EPHA6: variants seen among roughly 807,000 people sequenced by gnomAD.
EPHA6 encodes the protein EPH receptor A6.
In EPHA6, 50 loss-of-function variants were observed where a neutral mutation model predicts 112.0. The observed-to-expected ratio is 0.45, with a 90% CI of 0.36 to 0.56. EPHA6 has a LOEUF of 0.56. EPHA6 is among the 20% of genes least tolerant of loss of function. The pLI is 0.00. For missense variants in EPHA6, 1,280 were observed against 1,417.4 expected, an observed-to-expected ratio of 0.90 and a Z score of 1.56; for synonymous variants, 529 against 490.7, an observed-to-expected ratio of 1.08 and a Z score of -1.03.
At chr3:97,337,934 G>A (rs2083135606) in intron 5 of EPHA6, among the ~76,000 whole-genome samples, 1 of 152,148 alleles carries the variant, frequency 6.6e-6, no homozygotes, top group African/African-American at 2.4e-5. Flanking sequence ...AAGACTAGCA[G>A]AGAAACTGTT....
chr3:96,829,949 G>GCGCGCGCACA (rs373416797), intron 1 of EPHA6, among the ~76,000 whole-genome samples: 5 of 136,032 alleles, frequency 3.7e-5, no homozygotes, highest in African/African-American at 1.2e-4. Context: ...GCGCGCGCGC[G>GCGCGCGCACA]CACACACACA....
chr3:97,666,678 A>G (rs2030151542), intron 14 of EPHA6, among the ~76,000 whole-genome samples: 1 of 152,142 alleles, frequency 6.6e-6, no homozygotes, highest in African/African-American at 2.4e-5. Context: ...ATTTTAGCAA[A>G]TTACTTCTAC....
rs562230947 is a variant in EPHA6 at position 97,562,397 on chromosome 3, C to A, written c.2386+29854C>A. ...AAGTTAATTCCAGCTCTCATGGATG[C>A]TTTTGAGGGGTTCAAGACTTCAGTG... On this transcript the variant is annotated intron_variant, in intron 11 of 17. Transcript: ENST00000389672. Among the ~76,000 whole-genome samples, 5 of 152,146 alleles carry A rather than the reference C, an allele frequency of 3.3e-5. No homozygotes were observed. In the East Asian group the frequency reaches 7.7e-4, roughly 24 times the overall value.
intron 5 of EPHA6, among the ~76,000 whole-genome samples, chr3:97,401,677 G>T (rs2087000462): frequency 6.6e-6 from 1 of 151,378 alleles, no homozygotes; most frequent in African/African-American, 2.4e-5. Flanking sequence ...TTTCTGTTCT[G>T]ATCTTTATTA....
intron 2 of EPHA6, among the ~76,000 whole-genome samples, chr3:96,889,493 GA>G (rs777973461): frequency 2.0e-5 from 3 of 152,124 alleles, no homozygotes; most frequent in Non-Finnish European, 4.4e-5. Flanking sequence ...GAGAGAATAA[GA>G]AATCAAAGCA....
chr3:97,646,223 G>T (rs1404979511), intron 14 of EPHA6: 7 of 1,535,698 alleles, frequency 4.6e-6, no homozygotes, highest in East Asian at 2.4e-5. Flanking sequence ...GTACTGGACT[G>T]GTCCTCATGT....
chr3:97,062,921 C>T (rs1404246687), intron 3 of EPHA6, among the ~76,000 whole-genome samples: 2 of 151,806 alleles, frequency 1.3e-5, no homozygotes, highest in African/African-American at 4.8e-5. Context: ...AGGAGATATA[C>T]ATGTGGCCAA....
At chr3:97,375,232 A>G (rs1264164198) in intron 5 of EPHA6, among the ~76,000 whole-genome samples, 2 of 152,196 alleles carry the variant, frequency 1.3e-5, no homozygotes, top group African/African-American at 4.8e-5. Context: ...ATAAAAGGGA[A>G]GGGTGTTTTC....
intron 14 of EPHA6, among the ~76,000 whole-genome samples, chr3:97,696,759 TTCCTCAAAAGAGGA>T (rs1325088057): frequency 6.6e-6 from 1 of 152,142 alleles, no homozygotes; most frequent in Non-Finnish European, 1.5e-5. Context: ...CTTATTAAAC[TTCCTCAAAAGAGGA>T]GGGTAGTATT....
Position 97,155,563 on chromosome 3 carries a change from T to A in EPHA6, c.1115-70701T>A, listed in dbSNP as rs193217138. ...CAGTCTTTTTACCCCAGATCCAGGT[T>A]GACTTGACTGACATCATTGTTCTGA... is the stretch of plus-strand genomic sequence containing the variant. On this transcript the variant is annotated intron_variant, in intron 3 of 17. Coordinates refer to ENST00000389672, the MANE Select transcript of EPHA6 (RefSeq NM_001080448.3). 4.0e-3 allele frequency among the ~76,000 whole-genome samples: 616 copies of A among 152,310 alleles called. 5 individuals are homozygous for A. Among genetic ancestry groups the A allele is most frequent in the African/African-American group, 0.014 (577 of 41,574 alleles).
chr3:97,122,770 A>C (rs2048076585), intron 3 of EPHA6, among the ~76,000 whole-genome samples: 1 of 152,058 alleles, frequency 6.6e-6, no homozygotes, highest in African/African-American at 2.4e-5. Flanking sequence ...AAGCCAGTGA[A>C]CATAGAAAAT....
intron 6 of EPHA6, among the ~76,000 whole-genome samples, chr3:97,418,194 T>C (rs1312053236): frequency 6.6e-6 from 1 of 151,306 alleles, no homozygotes; most frequent in African/African-American, 2.4e-5. Context: ...ATACACTATA[T>C]ATATTAATAT....
At chr3:97,659,957 T>C (rs774245962) in intron 14 of EPHA6, among the ~76,000 whole-genome samples, 2 of 152,012 alleles carry the variant, frequency 1.3e-5, no homozygotes, top group Admixed American at 1.3e-4. Context: ...TTTTAGCACC[T>C]AGTAGTATCA....
intron 2 of EPHA6, among the ~76,000 whole-genome samples, chr3:96,928,361 G>A (rs1354468775): frequency 1.3e-5 from 2 of 151,998 alleles, no homozygotes; most frequent in Non-Finnish European, 2.9e-5. Flanking sequence ...CTTGATTTTT[G>A]CGTTAATTTC....
chr3:96,928,257 C>T (rs2040141098), intron 2 of EPHA6, among the ~76,000 whole-genome samples: 1 of 152,184 alleles, frequency 6.6e-6, no homozygotes, highest in African/African-American at 2.4e-5. Flanking sequence ...TTGATATGAG[C>T]ATTTAGTGCT....
At chr3:97,418,266 T>C (rs2088300372) in intron 6 of EPHA6, among the ~76,000 whole-genome samples, 13 of 151,858 alleles carry the variant, frequency 8.6e-5, no homozygotes, top group Admixed American at 8.5e-4. Flanking sequence ...TTAAAAAATC[T>C]AACAATACTG....
intron 2 of EPHA6, among the ~76,000 whole-genome samples, chr3:96,945,313 G>A (rs189391570): frequency 5.8e-4 from 88 of 152,198 alleles, no homozygotes; most frequent in African/African-American, 1.8e-3. Flanking sequence ...TGTTCAAAAC[G>A]GAACTCCAGA....
chr3:97,425,332 G>T lies in EPHA6; in HGVS notation c.1731+20058G>T, dbSNP rs369281421. On this transcript the variant is annotated intron_variant, in intron 6 of 17. Transcript: ENST00000389672. ...AGCACAGCTCTGCCTGGACATCCAG[G>T]TGTTTCCATATACCCTCTGAAATAT... Among the ~76,000 whole-genome samples, 489 of 152,334 alleles carry T rather than the reference G, an allele frequency of 3.2e-3. 3 individuals are homozygous for T. Among genetic ancestry groups the T allele is most frequent in the African/African-American group, 0.011 (459 of 41,572 alleles).
chr3:97,466,423 C>A, intron 7 of EPHA6: 4 of 1,596,770 alleles, frequency 2.5e-6, no homozygotes, highest in Non-Finnish European at 3.4e-6. Context: ...CCATAGGACT[C>A]TCCATTTCAA....
Sources: gnomAD v4.1 joint callset for allele counts (sites outside exome capture counted in the v4.1 genomes callset) on GRCh38, gnomAD v4.1.1 for gene constraint, MANE v1.5 for transcripts, NCBI Gene and HGNC (gene_info 2026-07-23, HGNC 2026-07-21) for gene names.